CDS1: variants seen among roughly 807,000 people sequenced by gnomAD.
CDS1 encodes the protein phosphatidate cytidylyltransferase 1.
CDS1 carries 41 observed loss-of-function variants against 62.1 expected under a neutral mutation model. The ratio of observed to expected loss-of-function variants is 0.66; its 90% CI spans 0.51 to 0.86. The LOEUF (loss-of-function observed/expected upper bound fraction) is 0.86, where lower values mean the gene tolerates loss of function less well. Ranked by LOEUF, CDS1 falls within the 40% of genes least tolerant of loss-of-function variation. The pLI is 0.00. For synonymous variants in CDS1, 185 were observed against 192.6 expected (o/e 0.96, Z 0.32); for missense variants, 470 against 550.1 (o/e 0.85, Z 1.46).
At chr4:84,633,810 C>A in intron 6 of CDS1, 47 bp from the exon 7 acceptor site, 2 of 1,275,256 alleles carry the variant, frequency 1.6e-6, no homozygotes, top group Non-Finnish European at 2.2e-6. Flanking sequence ...TTCAGCTGCA[C>A]TGATCAGTTG....
At chr4:84,596,265 C>A (rs1360404227) in intron 1 of CDS1, among the ~76,000 whole-genome samples, 9 of 152,146 alleles carry the variant, frequency 5.9e-5, no homozygotes, top group African/African-American at 2.2e-4. Flanking sequence ...TAAAACAAAT[C>A]ACTAAAAACT....
At chr4:84,625,538 A>G (rs1723829851) in intron 5 of CDS1, among the ~76,000 whole-genome samples, 1 of 152,164 alleles carries the variant, frequency 6.6e-6, no homozygotes, top group South Asian at 2.1e-4. Context: ...ATCGTATAGT[A>G]GAAAAGTCCA....
intron 1 of CDS1, among the ~76,000 whole-genome samples, chr4:84,600,598 C>T (rs1722906635): frequency 6.6e-6 from 1 of 152,060 alleles, no homozygotes; most frequent in East Asian, 1.9e-4. Context: ...ATCTGTTGAC[C>T]ATATGTATGT....
At chr4:84,642,463 A>G (rs759388295) in intron 10 of CDS1, among the ~76,000 whole-genome samples, 3 of 152,314 alleles carry the variant, frequency 2.0e-5, no homozygotes, top group Non-Finnish European at 2.9e-5. Flanking sequence ...TAATTTGACT[A>G]CAAAATTCTT....
Position 84,619,451 on chromosome 4 carries a change from TGC to T in CDS1, c.499_500del (p.Ala167TyrfsTer17), listed in dbSNP as rs1441632576. ...FYGETVADYF[A>X]TFVQREEQLQ... ...ATGGAGAGACTGTAGCTGATTATTT[TGC>T]TACATTTGTTCAAAGAGAAGAACAA... On this transcript the variant is annotated frameshift_variant, in exon 5 of 13. Transcript: ENST00000295887. LOFTEE classifies it high-confidence loss of function. The T allele has an allele frequency of 1.3e-6, 2 of 1,583,828 alleles. No individual in the cohort carries two copies. Among genetic ancestry groups the T allele is most frequent in the Admixed American group, 1.7e-5 (1 of 59,604 alleles).
At chr4:84,641,105 T>A (rs1724370186) in intron 10 of CDS1, 115 bp downstream of exon 10, 2 of 670,170 alleles carry the variant, frequency 3.0e-6, no homozygotes, top group Admixed American at 8.7e-5. Context: ...AGACAGAGTT[T>A]CCCTCTGTTG....
chr4:84,621,896 C>A (rs1560475959), intron 5 of CDS1, among the ~76,000 whole-genome samples: 1 of 152,158 alleles, frequency 6.6e-6, no homozygotes, highest in Admixed American at 6.5e-5. Flanking sequence ...TAAATTCTGA[C>A]CAGTTGGAAG....
chr4:84,642,019 G>A (rs760600875), intron 10 of CDS1, among the ~76,000 whole-genome samples: 6 of 152,042 alleles, frequency 3.9e-5, no homozygotes, highest in African/African-American at 4.8e-5. Context: ...TTATTGCTTT[G>A]AGAACAGGTC....
Position 84,640,995 on chromosome 4 carries a change from A to G in CDS1, c.1032+5A>G. 6.5e-7 allele frequency: 1 copy of G among 1,544,586 alleles called. No individual in the cohort carries two copies. The highest frequency in any genetic ancestry group is 8.7e-7 in the Non-Finnish European group (1 of 1,146,864). On this transcript the variant is annotated splice_donor_5th_base_variant and intron_variant, in intron 10 of 12. Transcript: ENST00000295887. ...CTAAAGGCAGTCTTGAGACAGGTAC[A>G]GTAAAAGTTCAAGATAAACATGGTT... is the stretch of plus-strand genomic sequence containing the variant.
chr4:84,583,901 G>T (rs1722336579), intron 1 of CDS1, among the ~76,000 whole-genome samples: 1 of 152,134 alleles, frequency 6.6e-6, no homozygotes, highest in Admixed American at 6.5e-5. Context: ...TCAGTAGAGG[G>T]AACAAAGTTA....
chr4:84,630,088 G>A (rs1395721441), intron 5 of CDS1, among the ~76,000 whole-genome samples: 1 of 152,078 alleles, frequency 6.6e-6, no homozygotes, highest in Non-Finnish European at 1.5e-5. Flanking sequence ...TTTAACCACG[G>A]ATCAGTGGCA....
chr4:84,629,461 T>C lies in CDS1; in HGVS notation c.581-2358T>C, dbSNP rs568647069. 3.9e-5 allele frequency among the ~76,000 whole-genome samples: 6 copies of C among 152,282 alleles called. No individual in the cohort carries two copies. In the East Asian group the frequency reaches 1.2e-3, roughly 29 times the overall value. ...AAAAATACAGTCTAACAATTATTTA[T>C]ATAGAATTTACATTGTATTAGGAAT... On this transcript the variant is annotated intron_variant, in intron 5 of 12. Coordinates refer to ENST00000295887, the MANE Select transcript of CDS1 (RefSeq NM_001263.4).
At chr4:84,618,035 A>G (rs1447344965) in intron 4 of CDS1, among the ~76,000 whole-genome samples, 4 of 152,166 alleles carry the variant, frequency 2.6e-5, no homozygotes, top group Non-Finnish European at 5.9e-5. Flanking sequence ...CTCTCAGTTG[A>G]CATGATAACA....
At chr4:84,636,777 G>A (rs183882249) in intron 8 of CDS1, among the ~76,000 whole-genome samples, 194 of 151,992 alleles carry the variant, frequency 1.3e-3, no homozygotes, top group Middle Eastern at 3.4e-3. Flanking sequence ...TACCTACCTC[G>A]GCCTCTGAAA....
At chr4:84,645,112 A>G (rs1724517082) in intron 11 of CDS1, 110 bp from the exon 12 acceptor site, 3 of 696,010 alleles carry the variant, frequency 4.3e-6, no homozygotes, top group Admixed American at 2.6e-5. Flanking sequence ...AAAATCCAAT[A>G]GTAATGTATT....
In CDS1 at chr4:84,650,706, G is replaced by A. The variant is rs1035683067; in HGVS notation, c.*2020G>A. On this transcript the variant is annotated 3_prime_UTR_variant, in exon 13 of 13. Coordinates refer to ENST00000295887, the MANE Select transcript of CDS1 (RefSeq NM_001263.4). ...AAAATAGGAAGCTAGAAATATTTGG[G>A]ATCACAGTAATAGCTTTTCTCAAAT... 6.6e-6 allele frequency: 1 copy of A among 152,114 alleles called. No homozygotes were observed. The highest frequency in any genetic ancestry group is 6.6e-5 in the Admixed American group (1 of 15,266). The allele number at this position is 152,114 out of a possible 1,614,324, so 9.4% of individuals were successfully genotyped here.
intron 12 of CDS1, among the ~76,000 whole-genome samples, chr4:84,648,082 T>G (rs778502050): frequency 1.3e-5 from 2 of 152,222 alleles, no homozygotes; most frequent in Non-Finnish European, 2.9e-5. Context: ...ACTCTGAATA[T>G]TCATAACTCC....
At chr4:84,633,678 G>T (rs1201844374) in intron 6 of CDS1, among the ~76,000 whole-genome samples, 179 bp from the exon 7 acceptor site, 1 of 151,964 alleles carries the variant, frequency 6.6e-6, no homozygotes, top group African/African-American at 2.4e-5. Flanking sequence ...TTATTTTAAG[G>T]TTCCAGTAGG....
Position 84,609,038 on chromosome 4 carries a change from G to A in CDS1, c.246-391G>A, listed in dbSNP as rs1452828471. On this transcript the variant is annotated intron_variant, in intron 2 of 12. Transcript: ENST00000295887. The stretch of plus-strand genomic sequence containing the variant: ...CTAAAAATACAAAACAATTAGCCGG[G>A]TGTGGTGGCGGGCACCTGTGGTCCC... Among the ~76,000 whole-genome samples, 7 of 151,976 alleles carry A rather than the reference G, an allele frequency of 4.6e-5. No individual in the cohort carries two copies. The East Asian group carries it at 1.2e-3, about 25-fold the overall frequency.
Sources: gnomAD v4.1 joint callset for allele counts (sites outside exome capture counted in the v4.1 genomes callset) on GRCh38, gnomAD v4.1.1 for gene constraint, MANE v1.5 for transcripts, NCBI Gene and HGNC (gene_info 2026-07-23, HGNC 2026-07-21) for gene names.